Variants in SGCD observed in about 807,000 individuals in gnomAD.
SGCD encodes sarcoglycan delta, also known as delta-sarcoglycan.
In SGCD, 18 loss-of-function variants were observed where a neutral mutation model predicts 36.6. The ratio of observed to expected loss-of-function variants is 0.49; its 90% CI spans 0.34 to 0.73. The LOEUF (loss-of-function observed/expected upper bound fraction) is 0.73, where lower values mean the gene tolerates loss of function less well. SGCD is among the 30% of genes least tolerant of loss of function. SGCD has a pLI of 0.01. For missense variants in SGCD, 387 were observed against 346.7 expected (o/e 1.12, Z -0.92); for synonymous variants, 133 against 130.6 (o/e 1.02, Z -0.12).
At chr5:156,520,188 G>A (rs1353528138) in intron 4 of SGCD, among the ~76,000 whole-genome samples, 1 of 152,150 alleles carries the variant, frequency 6.6e-6, no homozygotes, top group Non-Finnish European at 1.5e-5. Context: ...CAAAATCAAT[G>A]TGCAAAAATC....
At chr5:156,423,846 A>C (rs1773541957) in intron 3 of SGCD, among the ~76,000 whole-genome samples, 1 of 152,018 alleles carries the variant, frequency 6.6e-6, no homozygotes, top group South Asian at 2.1e-4. Context: ...ATAGGATATT[A>C]ACAGTGCGTA....
intron 4 of SGCD, among the ~76,000 whole-genome samples, chr5:156,538,938 T>G (rs1758236143): frequency 6.6e-6 from 1 of 152,040 alleles, no homozygotes; most frequent in Admixed American, 6.6e-5. Flanking sequence ...ACTAACAGTT[T>G]TATATATTAT....
chr5:156,110,173 C>A (rs551940716), intron 1 of SGCD, among the ~76,000 whole-genome samples: 2 of 152,218 alleles, frequency 1.3e-5, no homozygotes, highest in South Asian at 4.2e-4. Context: ...AAATCTCAGC[C>A]CTGCTGCCTT....
At chr5:156,079,958 G>C (rs1760908424) in intron 1 of SGCD, among the ~76,000 whole-genome samples, 1 of 152,240 alleles carries the variant, frequency 6.6e-6, no homozygotes, top group African/African-American at 2.4e-5. Context: ...TGCCCTAGTA[G>C]AGGATTTCTG....
rs185690325 is a variant in SGCD, at chr5:156,566,768, A to G, written c.295-22463A>G. 2.2e-3 allele frequency among the ~76,000 whole-genome samples: 337 copies of G among 152,340 alleles called. 1 individual carries two copies. The highest frequency in any genetic ancestry group is 7.6e-3 in the African/African-American group (317 of 41,576). ...CTGTTTCTCCCTTTGATAAAAATGT[A>G]AATGTGAAGGTGTTACAGAGATATT... On this transcript the variant is annotated intron_variant, in intron 4 of 8. Transcript: ENST00000337851.
rs558393373 is a variant in SGCD, at chr5:156,655,617, T to A, written c.575+8081T>A. ...TATGCCAAATATCCATCTCAAGTAA[T>A]GTTTATTGACTTTATTCTTGCAAGG... On this transcript the variant is annotated intron_variant, in intron 7 of 8. Transcript: ENST00000337851. 1.1e-3 allele frequency among the ~76,000 whole-genome samples: 175 copies of A among 152,276 alleles called. 1 individual carries two copies. Among genetic ancestry groups the A allele is most frequent in the African/African-American group, 4.1e-3 (172 of 41,586 alleles).
At chr5:156,389,953 C>T (rs1059020) in intron 3 of SGCD, among the ~76,000 whole-genome samples, 27,099 of 151,722 alleles carry the variant, frequency 0.18, 2,517 homozygotes, top group Middle Eastern at 0.26. Context: ...AATGGGGGTT[C>T]GATAAGATTA....
At chr5:156,327,656 T>G (rs1227880686) in intron 1 of SGCD, among the ~76,000 whole-genome samples, 2 of 152,236 alleles carry the variant, frequency 1.3e-5, no homozygotes, top group Non-Finnish European at 2.9e-5. Context: ...TTGTTGTTGT[T>G]GTTTTTTAAT....
At chr5:156,401,743 T>G (rs1444935932) in intron 3 of SGCD, among the ~76,000 whole-genome samples, 1 of 142,904 alleles carries the variant, frequency 7.0e-6, no homozygotes, top group Non-Finnish European at 1.6e-5. Flanking sequence ...TAAGTAGTCA[T>G]GGTCTTTTCC....
At chr5:155,993,753 C>T (rs1052523512) in intron 1 of SGCD, among the ~76,000 whole-genome samples, 3 of 152,242 alleles carry the variant, frequency 2.0e-5, no homozygotes, top group Admixed American at 6.5e-5. Context: ...ATGTGGTTGC[C>T]ATGTGGGGGC....
intron 1 of SGCD, among the ~76,000 whole-genome samples, chr5:156,117,108 A>G (rs1235094739): frequency 6.6e-6 from 1 of 152,034 alleles, no homozygotes; most frequent in African/African-American, 2.4e-5. Context: ...TCATTTTCCT[A>G]TACAGATAAT....
chr5:156,091,452 C>G (rs1257990050), intron 1 of SGCD, among the ~76,000 whole-genome samples: 2 of 152,228 alleles, frequency 1.3e-5, no homozygotes, highest in Non-Finnish European at 2.9e-5. Context: ...TGCAGCAGTA[C>G]TGTCAGAGCA....
chr5:155,987,444 G>C (rs988851951), intron 1 of SGCD, among the ~76,000 whole-genome samples: 4 of 152,144 alleles, frequency 2.6e-5, no homozygotes, highest in African/African-American at 9.7e-5. Context: ...ATAGTCTCCT[G>C]ATGGTGTTTG....
intron 3 of SGCD, among the ~76,000 whole-genome samples, chr5:156,137,000 G>T (rs966194889): frequency 2.7e-5 from 4 of 150,680 alleles, no homozygotes; most frequent in African/African-American, 9.7e-5. Flanking sequence ...ACAAAGTGAG[G>T]GAGGAAAGGA....
Position 156,061,229 on chromosome 5 carries a change from T to C in SGCD, c.-281-56649T>C, listed in dbSNP as rs773926942. 2.8e-5 allele frequency among the ~76,000 whole-genome samples: 4 copies of C among 145,132 alleles called. 1 individual carries two copies. The highest frequency in any genetic ancestry group is 6.2e-5 in the Non-Finnish European group (4 of 64,526). ...TTCCCAGTGTTATCCAAACCATACA[T>C]AGTATGTCCAATCTCTACTATTCTT... On this transcript the variant is annotated intron_variant, in intron 1 of 9. Coordinates refer to the SGCD transcript ENST00000517913.
At chr5:156,305,733 T>C (rs1767189447) in intron 3 of SGCD, among the ~76,000 whole-genome samples, 1 of 152,182 alleles carries the variant, frequency 6.6e-6, no homozygotes, top group South Asian at 2.1e-4. Context: ...TAGCCCATGA[T>C]AGCAGTCAGG....
At chr5:156,220,783 G>T (rs1048437848) in intron 3 of SGCD, among the ~76,000 whole-genome samples, 2 of 152,110 alleles carry the variant, frequency 1.3e-5, no homozygotes, top group African/African-American at 4.8e-5. Flanking sequence ...CTTGTAGCAA[G>T]TAAATCTCAG....
At chr5:155,963,530 G>A (rs563786444) in intron 1 of SGCD, among the ~76,000 whole-genome samples, 1 of 151,962 alleles carries the variant, frequency 6.6e-6, no homozygotes, top group Non-Finnish European at 1.5e-5. Context: ...TATTTCTTGA[G>A]CAATCACTTC....
chr5:156,223,492 G>A (rs370157408), intron 3 of SGCD, among the ~76,000 whole-genome samples: 3 of 152,096 alleles, frequency 2.0e-5, no homozygotes, highest in East Asian at 1.9e-4. Context: ...TGGGGGCAGC[G>A]AGCAAATGTT....
Sources: gnomAD v4.1 joint callset for allele counts (sites outside exome capture counted in the v4.1 genomes callset) on GRCh38, gnomAD v4.1.1 for gene constraint, MANE v1.5 for transcripts, NCBI Gene and HGNC (gene_info 2026-07-23, HGNC 2026-07-21) for gene names.